The following FNDC8 variants were observed in gnomAD, a reference collection of about 807,000 sequenced individuals.
FNDC8 encodes the protein fibronectin type III domain-containing protein 8.
A neutral mutation model predicts 24.8 loss-of-function variants in FNDC8; 23 were observed. The ratio of observed to expected loss-of-function variants is 0.93; its 90% CI spans 0.67 to 1.31. The LOEUF is 1.31. Ranked by LOEUF, FNDC8 falls within the 40% of genes most tolerant of loss-of-function variation. FNDC8 has a pLI of 0.00. For missense variants in FNDC8, 371 were observed against 398.2 expected (o/e 0.93, Z 0.58); for synonymous variants, 158 against 165.3 (o/e 0.96, Z 0.34).
In FNDC8 at chr17:35,129,696, G is replaced by A. The variant is rs201421017; in HGVS notation, c.822+38G>A. The A allele has an allele frequency of 2.5e-6, 4 of 1,600,038 alleles. No homozygotes were observed. The African/African-American group carries it at 5.4e-5, about 21-fold the overall frequency. ...AAAAGAGGGGCCTTGGGGGTGGAGA[G>A]AAGTCCAAAGCCAGGGAACCAGGGC... On this transcript the variant is annotated intron_variant, in intron 3 of 3. Coordinates refer to ENST00000158009, the MANE Select transcript of FNDC8 (RefSeq NM_017559.4).
intron 3 of FNDC8, 30 bp downstream of exon 3, chr17:35,129,688 G>C: frequency 6.2e-7 from 1 of 1,605,398 alleles, no homozygotes; most frequent in Non-Finnish European, 8.5e-7. Context: ...GGGCCTTGGG[G>C]GTGGAGAGAA....
intron 2 of FNDC8, 164 bp from the exon 3 acceptor site, chr17:35,129,258 T>G (rs1597884651): frequency 1.2e-6 from 1 of 844,554 alleles, no homozygotes. Context: ...GGGGCAGGGG[T>G]TCCACACTCA....
At chr17:35,127,483 G>A (rs956300725) in intron 2 of FNDC8, 66 bp downstream of exon 2, 1 of 1,474,886 alleles carries the variant, frequency 6.8e-7, no homozygotes, top group East Asian at 2.3e-5. Flanking sequence ...TGAGCTCCAT[G>A]GGTAGTGAGA....
Position 35,127,365 on chromosome 17 carries a change from T to C in FNDC8, c.533T>C (p.Leu178Pro), listed in dbSNP as rs1220769336. The change falls in exon 2 of 4, where the codon CTG (leucine) becomes CCG (proline). Residue 178 changes from leucine to proline, a missense_variant. Coordinates refer to ENST00000158009, the MANE Select transcript of FNDC8 (RefSeq NM_017559.4). ...TCAGAATCTTCTGTGGTTGTGGACC[T>C]GCCGGACACCCCCTTCATCTTTGAG... ...THSESSVVVD[L>P]PDTPFIFEHT... is the part of the protein sequence containing the mutation. 28 of 1,591,954 alleles carry C rather than the reference T, an allele frequency of 1.8e-5. No individual in the cohort carries two copies. The highest frequency in any genetic ancestry group is 2.4e-5 in the Non-Finnish European group (28 of 1,169,974).
chr17:35,130,042 G>A, intron 3 of FNDC8: 2 of 1,403,666 alleles, frequency 1.4e-6, no homozygotes, highest in Non-Finnish European at 1.8e-6. Context: ...TATGGGGTAG[G>A]GGTATGGGGG....
At chr17:35,126,023 C>T (rs1212700190) in intron 1 of FNDC8, among the ~76,000 whole-genome samples, 10 of 152,184 alleles carry the variant, frequency 6.6e-5, no homozygotes, top group African/African-American at 2.2e-4. Flanking sequence ...CAGGCTCAAG[C>T]GATCCTCCCA....
Position 35,130,526 on chromosome 17 carries a change from A to T in FNDC8, c.*92A>T. 1 of 1,360,700 alleles carries T rather than the reference A, an allele frequency of 7.3e-7. No homozygotes were observed. Among genetic ancestry groups the T allele is most frequent in the Non-Finnish European group, 1.0e-6 (1 of 993,072 alleles). 84.3% of individuals were successfully genotyped at this position (1,360,700 alleles called of 1,614,324 possible). ...CCATGAGACCTACCATACCACCAGC[A>T]CCCTGCGGGCCCGGGGTCTGGCAGA... On this transcript the variant is annotated 3_prime_UTR_variant, in exon 4 of 4. Coordinates refer to ENST00000158009, the MANE Select transcript of FNDC8 (RefSeq NM_017559.4).
intron 1 of FNDC8, among the ~76,000 whole-genome samples, chr17:35,126,378 A>T (rs1220787644): frequency 6.6e-6 from 1 of 152,124 alleles, no homozygotes; most frequent in Admixed American, 6.6e-5. Flanking sequence ...TCCATACCCC[A>T]GTAGATCTTT....
chr17:35,127,262 T>G lies in FNDC8; in HGVS notation c.430T>G (p.Ser144Ala). The stretch of plus-strand genomic sequence containing the variant: ...GGCGCTCGGCCCCTGCCCATGCCCA[T>G]CGAAGTCCCAGATGGCCACAAGGGG... Reference protein sequence around the residue: ...DLALGPCPCPSKSQMATRGLL... With the variant: ...DLALGPCPCPAKSQMATRGLL... The change falls in exon 2 of 4, where the codon TCG becomes GCG. Residue 144 changes from serine to alanine, a missense_variant. Transcript: ENST00000158009. The G allele has an allele frequency of 6.2e-7, 1 of 1,613,998 alleles. No homozygotes were observed. Among genetic ancestry groups the G allele is most frequent in the Non-Finnish European group, 8.5e-7 (1 of 1,179,956 alleles).
Position 35,130,268 on chromosome 17 carries a change from T to A in FNDC8, c.823-14T>A, listed in dbSNP as rs1286561231. The A allele has an allele frequency of 2.5e-6, 4 of 1,612,596 alleles. No individual in the cohort carries two copies. In the African/African-American group the frequency reaches 5.3e-5, roughly 22 times the overall value. On this transcript the variant is annotated splice_polypyrimidine_tract_variant and intron_variant, in intron 3 of 3. Transcript: ENST00000158009. ...TGGGAAGGAACTCTGAAGGGTTTTC[T>A]TGTTTCACTTCAGTTTGCAACCCTG...
At chr17:35,126,212 G>A (rs980960880) in intron 1 of FNDC8, among the ~76,000 whole-genome samples, 11 of 152,098 alleles carry the variant, frequency 7.2e-5, no homozygotes, top group African/African-American at 2.2e-4. Context: ...GTGAGCCACC[G>A]CGCCTGGCCC....
chr17:35,129,989 A>T, intron 3 of FNDC8: 3 of 1,378,280 alleles, frequency 2.2e-6, no homozygotes, highest in Non-Finnish European at 1.9e-6. Context: ...AGAAATAGGG[A>T]AGACAAGAGG....
At chr17:35,123,262 C>T (rs773752166) in intron 1 of FNDC8, among the ~76,000 whole-genome samples, 1 of 152,144 alleles carries the variant, frequency 6.6e-6, no homozygotes, top group Non-Finnish European at 1.5e-5. Context: ...GACTACATAG[C>T]TGGTCTTGAG....
intron 2 of FNDC8, among the ~76,000 whole-genome samples, chr17:35,128,576 C>A (rs1015049529): frequency 7.9e-5 from 12 of 152,300 alleles, no homozygotes; most frequent in Admixed American, 6.5e-5. Context: ...GATGATGGAC[C>A]AGTCACTTGC....
rs750698873 is a variant in FNDC8, at chr17:35,127,053, C to T, written c.221C>T (p.Pro74Leu). The change falls in exon 2 of 4, where the codon CCA (proline) becomes CTA (leucine). Residue 74 changes from proline (P) to leucine (L), a missense_variant. Coordinates refer to ENST00000158009, the MANE Select transcript of FNDC8 (RefSeq NM_017559.4). Reference protein sequence around the residue: ...DDTINLLKPLPVEDSDCSSDE... With the variant: ...DDTINLLKPLLVEDSDCSSDE... ...CCCTTTTGCTCCAGGAAGCCGCTGCCAGTAGAGGATTCAGACTGCAGCTCT... is the reference window on the plus strand; with the variant it reads ...CCCTTTTGCTCCAGGAAGCCGCTGCTAGTAGAGGATTCAGACTGCAGCTCT... 1.2e-5 allele frequency: 19 copies of T among 1,586,066 alleles called. No individual in the cohort carries two copies. Among genetic ancestry groups the T allele is most frequent in the Non-Finnish European group, 6.0e-6 (7 of 1,161,586 alleles).
At position 35,127,246 on chromosome 17, in the gene FNDC8, C is replaced by A. The variant is rs1302147378; in HGVS notation, c.414C>A (p.Gly138=). The A allele has an allele frequency of 1.2e-6, 2 of 1,613,798 alleles. No homozygotes were observed. The highest frequency in any genetic ancestry group is 1.7e-5 in the Admixed American group (1 of 59,990). Residue 138 remains glycine (G), a synonymous_variant, in exon 2 of 4, where the codon GGC becomes GGA. Coordinates refer to ENST00000158009, the MANE Select transcript of FNDC8 (RefSeq NM_017559.4). ...CAGAAAATGAGGACCTGGCGCTCGG[C>A]CCCTGCCCATGCCCATCGAAGTCCC... ...KNAENEDLAL[G]PCPCPSKSQM... is the part of the protein sequence containing the mutation.
chr17:35,127,018 C>G (rs2091851675), intron 1 of FNDC8, 24 bp from the exon 2 acceptor site: 6 of 1,553,590 alleles, frequency 3.9e-6, no homozygotes, highest in Non-Finnish European at 5.2e-6. Context: ...TCATCTGATT[C>G]ACCTGTCTCC....
intron 1 of FNDC8, among the ~76,000 whole-genome samples, chr17:35,122,205 TA>T (rs1339833308): frequency 4.0e-4 from 3 of 7,518 alleles, no homozygotes; most frequent in East Asian, 6.3e-3. Context: ...TATATATATA[TA>T]TAAATTTTTT....
At position 35,126,162 on chromosome 17, in the gene FNDC8, T is replaced by TA. The variant is rs1361355244; in HGVS notation, c.210-879dup. 3.9e-5 allele frequency among the ~76,000 whole-genome samples: 6 copies of TA among 152,068 alleles called. No homozygotes were observed. The South Asian group carries it at 1.2e-3, about 32-fold the overall frequency. ...GTCTTGAACTCCTGACGTCAGGTAA[T>TA]ACACCCACCTTGGCCTCCCAAAGTG... On this transcript the variant is annotated intron_variant, in intron 1 of 3. Transcript: ENST00000158009.
Sources: allele counts gnomAD v4.1 joint callset (sites outside exome capture counted in the v4.1 genomes callset), GRCh38; gene constraint gnomAD v4.1.1; transcripts MANE v1.5; gene names NCBI Gene and HGNC (gene_info 2026-07-23, HGNC 2026-07-21).